The following BNC2 variants were observed in gnomAD, a reference collection of about 807,000 sequenced individuals.
The protein encoded by BNC2 is zinc finger protein basonuclin-2.
Under a neutral mutation model 76.3 loss-of-function variants are expected in BNC2, and 20 were observed. The observed-to-expected ratio is 0.26, with a 90% CI of 0.18 to 0.38. The LOEUF is 0.38. Ranked by LOEUF, BNC2 falls within the 10% of genes least tolerant of loss-of-function variation. The pLI is 1.00. For synonymous variants in BNC2, 582 were observed against 514.8 expected, an observed-to-expected ratio of 1.13 and a Z score of -1.77; for missense variants, 1,382 against 1,399.8, an observed-to-expected ratio of 0.99 and a Z score of 0.20.
chr9:16,792,205 T>C (rs1563945507), intron 1 of BNC2, among the ~76,000 whole-genome samples: 1 of 150,690 alleles, frequency 6.6e-6, no homozygotes, highest in African/African-American at 2.5e-5. Context: ...TCACTTACAA[T>C]CCTCATGACA....
chr9:16,519,081 C>T (rs1050573531), intron 5 of BNC2, among the ~76,000 whole-genome samples: 1 of 152,188 alleles, frequency 6.6e-6, no homozygotes, highest in Admixed American at 6.5e-5. Context: ...CACTGTGCTT[C>T]GTTTTCTTTT....
chr9:16,565,741 G>A (rs951087836), intron 4 of BNC2, among the ~76,000 whole-genome samples: 3 of 151,536 alleles, frequency 2.0e-5, no homozygotes, highest in African/African-American at 7.3e-5. Context: ...CTGGGAGGTC[G>A]AGGCTGCAGT....
chr9:16,474,797 G>A (rs994738697), intron 5 of BNC2, among the ~76,000 whole-genome samples: 1 of 151,948 alleles, frequency 6.6e-6, no homozygotes, highest in Non-Finnish European at 1.5e-5. Context: ...ATTTGTAGAA[G>A]GAATATTCAC....
intron 5 of BNC2, among the ~76,000 whole-genome samples, chr9:16,472,598 T>C (rs571794240): frequency 6.6e-6 from 1 of 152,336 alleles, no homozygotes; most frequent in East Asian, 1.9e-4. Context: ...CCTCTTAGCC[T>C]TCAAACATAG....
chr9:16,795,383 C>CTTTTTT (rs34156905), intron 1 of BNC2, among the ~76,000 whole-genome samples: 2 of 142,718 alleles, frequency 1.4e-5, no homozygotes, highest in Middle Eastern at 3.4e-3. Flanking sequence ...CTAATTCTGG[C>CTTTTTT]TTTTTTTTTT....
rs76135565 is a variant in BNC2, at chr9:16,657,476, A to G, written c.330+70321T>C. Among the ~76,000 whole-genome samples, 467 of 152,302 alleles carry G rather than the reference A, an allele frequency of 3.1e-3. 1 individual carries two copies. Among genetic ancestry groups the G allele is most frequent in the African/African-American group, 0.01 (426 of 41,572 alleles). On this transcript the variant is annotated intron_variant, in intron 3 of 6. Coordinates refer to ENST00000380672, the MANE Select transcript of BNC2 (RefSeq NM_017637.6). ...TTGTTGTGGAGAAGACAAGAAACAG[A>G]AGCTAGACTGTGGGAGGCTAAGGCA...
intron 1 of BNC2, among the ~76,000 whole-genome samples, chr9:16,742,445 C>A (rs536277511): frequency 2.2e-4 from 33 of 152,316 alleles, no homozygotes; most frequent in African/African-American, 7.9e-4. Flanking sequence ...AGTCCAGAAT[C>A]CCTCTGGAGA....
chr9:16,777,657 C>T (rs574356419), intron 1 of BNC2, among the ~76,000 whole-genome samples: 27 of 148,692 alleles, frequency 1.8e-4, no homozygotes, highest in Middle Eastern at 6.9e-3. Context: ...GCGGAGATTG[C>T]ACCACTGCAT....
chr9:16,443,859 T>C (rs1156946648), intron 5 of BNC2, among the ~76,000 whole-genome samples: 1 of 152,202 alleles, frequency 6.6e-6, no homozygotes, highest in African/African-American at 2.4e-5. Context: ...AAAGCAACAC[T>C]AGGGAACTTT....
intron 1 of BNC2, among the ~76,000 whole-genome samples, chr9:16,780,345 T>G (rs1189342686): frequency 6.7e-6 from 1 of 150,322 alleles, no homozygotes; most frequent in Non-Finnish European, 1.5e-5. Context: ...AGGCCGAGGC[T>G]GGCAGATCAT....
intron 1 of BNC2, among the ~76,000 whole-genome samples, chr9:16,851,205 A>C (rs2136155308): frequency 6.6e-6 from 1 of 152,314 alleles, no homozygotes; most frequent in South Asian, 2.1e-4. Flanking sequence ...TCACTTAAAA[A>C]GTATTTAAAA....
chr9:16,435,876 T>C lies in BNC2; in HGVS notation c.2318A>G (p.Lys773Arg). 1 of 1,613,830 alleles carries C rather than the reference T, an allele frequency of 6.2e-7. No individual in the cohort carries two copies. The stretch of plus-strand genomic sequence containing the variant: ...GGGGTCTGTAAATTCTTCCTTCACC[T>C]TGATGACGTCCTGGTGAGAGGGCTC... ...HSEPSHQDVIKVKEEFTDPTY... is the reference protein window; with the variant it reads ...HSEPSHQDVIRVKEEFTDPTY... The change falls in exon 6 of 7, where the codon AAG becomes AGG. Residue 773 changes from lysine (K) to arginine (R), a missense_variant. Physicochemically the swap from Lys to Arg is conservative, Grantham distance 26. Transcript: ENST00000380672.
chr9:16,469,503 T>A (rs1304045072), intron 5 of BNC2, among the ~76,000 whole-genome samples: 1 of 152,236 alleles, frequency 6.6e-6, no homozygotes, highest in Non-Finnish European at 1.5e-5. Flanking sequence ...CATGGGGAAC[T>A]GTAAGTCCAA....
At chr9:16,478,238 C>T (rs1318275786) in intron 5 of BNC2, among the ~76,000 whole-genome samples, 1 of 152,190 alleles carries the variant, frequency 6.6e-6, no homozygotes, top group African/African-American at 2.4e-5. Flanking sequence ...GGACTCCATT[C>T]TGGCAGGCTT....
chr9:16,843,980 T>C (rs998832577), intron 1 of BNC2, among the ~76,000 whole-genome samples: 1 of 152,154 alleles, frequency 6.6e-6, no homozygotes, highest in Non-Finnish European at 1.5e-5. Flanking sequence ...TTGTTGTTGT[T>C]GTTCATTTAA....
In BNC2 at chr9:16,638,270, A is replaced by T. The variant is rs189292334; in HGVS notation, c.331-55185T>A. Reference sequence around the variant, plus strand: ...ATCTGAAACCAAGTGCATAGACATAAAAATGTTGAAAATACATACATAAGC... The same window carrying T: ...ATCTGAAACCAAGTGCATAGACATATAAATGTTGAAAATACATACATAAGC... On this transcript the variant is annotated intron_variant, in intron 3 of 6. Coordinates refer to ENST00000380672, the MANE Select transcript of BNC2 (RefSeq NM_017637.6). Among the ~76,000 whole-genome samples the T allele has an allele frequency of 9.8e-5, 15 of 152,300 alleles. No individual in the cohort carries two copies. The East Asian group carries it at 2.9e-3, about 29-fold the overall frequency.
chr9:16,728,022 G>A, intron 2 of BNC2, 25 bp from the exon 3 acceptor site: 1 of 1,604,448 alleles, frequency 6.2e-7, no homozygotes, highest in Non-Finnish European at 8.5e-7. Context: ...TGGATTTTTT[G>A]AGCCTCTTGG....
chr9:16,602,584 G>A (rs1448780944), intron 3 of BNC2, among the ~76,000 whole-genome samples: 2 of 152,192 alleles, frequency 1.3e-5, no homozygotes, highest in Non-Finnish European at 2.9e-5. Context: ...CCCACTCTAT[G>A]CCCACTCAGG....
intron 1 of BNC2, among the ~76,000 whole-genome samples, chr9:16,756,108 G>A (rs1825378187): frequency 6.6e-6 from 1 of 152,188 alleles, no homozygotes; most frequent in Non-Finnish European, 1.5e-5. Flanking sequence ...CTCTCAAAGG[G>A]ATGAGAAGTT....
Sources: allele counts gnomAD v4.1 joint callset (sites outside exome capture counted in the v4.1 genomes callset), GRCh38; gene constraint gnomAD v4.1.1; transcripts MANE v1.5; gene names NCBI Gene and HGNC (gene_info 2026-07-23, HGNC 2026-07-21).